Variants in S100Z observed in about 807,000 individuals in gnomAD.
S100Z encodes protein S100-Z.
A neutral mutation model predicts 8.5 loss-of-function variants in S100Z; 11 were observed. The ratio of observed to expected loss-of-function variants is 1.30; its 90% CI spans 0.82 to 2.15. The LOEUF (loss-of-function observed/expected upper bound fraction) is 2.15, where lower values mean the gene tolerates loss of function less well. S100Z is among the 30% of genes most tolerant of loss of function. S100Z has a pLI of 0.00. For synonymous variants in S100Z, 34 were observed against 43.8 expected (o/e 0.78, Z 0.89); for missense variants, 126 against 117.9 (o/e 1.07, Z -0.32).
chr5:76,861,154 G>C (rs1409964257), intron 1 of S100Z, among the ~76,000 whole-genome samples: 1 of 152,148 alleles, frequency 6.6e-6, no homozygotes, highest in East Asian at 1.9e-4. Flanking sequence ...CTGAAGGCTT[G>C]ACCCTGGCTG....
chr5:76,899,929 C>G (rs1019767384), intron 4 of S100Z, among the ~76,000 whole-genome samples: 1 of 152,146 alleles, frequency 6.6e-6, no homozygotes, highest in Non-Finnish European at 1.5e-5. Context: ...TAGGATAGGT[C>G]TGGTATTAAT....
chr5:76,898,161 T>TA (rs1744104668), intron 4 of S100Z, among the ~76,000 whole-genome samples: 1 of 151,624 alleles, frequency 6.6e-6, no homozygotes, highest in Non-Finnish European at 1.5e-5. Flanking sequence ...TATTCTTTTT[T>TA]TTTTTTGAGA....
chr5:76,850,070 G>C lies in S100Z; in HGVS notation c.-261G>C, dbSNP rs1379638392. 6.6e-6 allele frequency: 1 copy of C among 152,320 alleles called. No homozygotes were observed. The highest frequency in any genetic ancestry group is 1.5e-5 in the Non-Finnish European group (1 of 68,140). 9.4% of individuals were successfully genotyped at this position (152,320 alleles called of 1,614,324 possible). On this transcript the variant is annotated 5_prime_UTR_variant, in exon 1 of 5. Transcript: ENST00000317593. ...GCCTCTTGCTCGCTCTAGCTGCTGG[G>C]AGGAAAACGGCTTGCTAATCTCCAC...
the S100Z span, among the ~76,000 whole-genome samples, chr5:76,931,671 C>T: frequency 2.0e-5 from 3 of 152,202 alleles, no homozygotes; most frequent in Non-Finnish European, 4.4e-5. Context: ...AGATGGATAG[C>T]GAATCTGAGA....
At position 76,863,602 on chromosome 5, in the gene S100Z, G is replaced by A. The variant is rs181698788; in HGVS notation, c.-175-6564G>A. Among the ~76,000 whole-genome samples, 1,020 of 151,938 alleles carry A rather than the reference G, an allele frequency of 6.7e-3. 16 individuals carry two copies. Among genetic ancestry groups the A allele is most frequent in the African/African-American group, 0.023 (943 of 41,416 alleles). ...TGCCCAGGCTGGAGTGCAGTGGCGC[G>A]ATCTCGGCTCACTGCAAGCTCCGCC... is the stretch of plus-strand genomic sequence containing the variant. On this transcript the variant is annotated intron_variant, in intron 1 of 4. Coordinates refer to ENST00000317593, the MANE Select transcript of S100Z (RefSeq NM_130772.4).
intron 1 of S100Z, among the ~76,000 whole-genome samples, chr5:76,855,294 A>G (rs578224949): frequency 6.6e-6 from 1 of 152,318 alleles, no homozygotes; most frequent in Admixed American, 6.5e-5. Flanking sequence ...AATGGTAAAT[A>G]CAAGGACAGC....
Position 76,863,639 on chromosome 5 carries a change from C to A in S100Z, c.-175-6527C>A, listed in dbSNP as rs113757297. Among the ~76,000 whole-genome samples the A allele has an allele frequency of 5.9e-3, 894 of 151,992 alleles. 14 individuals are homozygous for A. Among genetic ancestry groups the A allele is most frequent in the Middle Eastern group, 0.041 (12 of 292 alleles). On this transcript the variant is annotated intron_variant, in intron 1 of 4. Coordinates refer to ENST00000317593, the MANE Select transcript of S100Z (RefSeq NM_130772.4). Reference sequence around the variant, plus strand: ...CTGCAAGCTCCGCCTCCCGGGTTCACGCCATTCTCCTGCCTCAGCCTCCCA... The same window carrying A: ...CTGCAAGCTCCGCCTCCCGGGTTCAAGCCATTCTCCTGCCTCAGCCTCCCA...
intron 4 of S100Z, among the ~76,000 whole-genome samples, chr5:76,884,704 A>G (rs58093808): frequency 0.6 from 90,658 of 151,430 alleles, 27,946 homozygotes; most frequent in Non-Finnish European, 0.66. Context: ...GTCACGGAAC[A>G]AAACTGTAAA....
chr5:76,868,920 A>T (rs1299466402), intron 1 of S100Z, among the ~76,000 whole-genome samples: 2 of 152,234 alleles, frequency 1.3e-5, no homozygotes, highest in African/African-American at 4.8e-5. Flanking sequence ...CACCACATCC[A>T]GCTCAAACTC....
intron 4 of S100Z, among the ~76,000 whole-genome samples, chr5:76,913,526 C>T (rs1451616188): frequency 6.6e-6 from 1 of 152,138 alleles, no homozygotes; most frequent in Non-Finnish European, 1.5e-5. Context: ...TTAATATGGA[C>T]TGAACAAGGT....
intron 1 of S100Z, among the ~76,000 whole-genome samples, chr5:76,866,767 C>T (rs9885484): frequency 0.37 from 56,779 of 151,964 alleles, 11,353 homozygotes; most frequent in East Asian, 0.67. Context: ...GTAAGTATAC[C>T]CTATGATGTT....
intron 1 of S100Z, among the ~76,000 whole-genome samples, chr5:76,861,708 T>A (rs1028399150): frequency 2.6e-5 from 4 of 152,226 alleles, no homozygotes; most frequent in African/African-American, 9.6e-5. Context: ...ACACATTCTA[T>A]GTGTTTATTT....
intron 1 of S100Z, among the ~76,000 whole-genome samples, chr5:76,856,875 T>A (rs1383511757): frequency 6.6e-6 from 1 of 152,174 alleles, no homozygotes; most frequent in Non-Finnish European, 1.5e-5. Context: ...TGAAATTGCC[T>A]AGGTTGACTA....
chr5:76,916,703 G>A (rs1229714163), intron 4 of S100Z, among the ~76,000 whole-genome samples: 1 of 152,032 alleles, frequency 6.6e-6, no homozygotes, highest in African/African-American at 2.4e-5. Context: ...CAAAAAGAGG[G>A]TCTTAAGGAA....
the S100Z span, among the ~76,000 whole-genome samples, chr5:76,946,921 C>T: frequency 1.3e-5 from 2 of 152,218 alleles, no homozygotes; most frequent in Admixed American, 6.5e-5. Flanking sequence ...AGCATCCCTT[C>T]TTCTGAAAAC....
At chr5:76,855,657 A>G (rs1750861364) in intron 1 of S100Z, among the ~76,000 whole-genome samples, 1 of 152,198 alleles carries the variant, frequency 6.6e-6, no homozygotes, top group Admixed American at 6.5e-5. Context: ...TTTTGATTTT[A>G]CAGGCTTATT....
intron 4 of S100Z, among the ~76,000 whole-genome samples, chr5:76,893,716 C>A (rs57739130): frequency 0.019 from 2,841 of 152,214 alleles, 98 homozygotes; most frequent in African/African-American, 0.064. Flanking sequence ...AAAAGAGATT[C>A]CCTTGAGCAC....
chr5:76,948,609 A>C, the S100Z span, among the ~76,000 whole-genome samples: 9 of 152,190 alleles, frequency 5.9e-5, no homozygotes, highest in African/African-American at 1.9e-4. Context: ...AAGAAAATGC[A>C]AATCAAATCC....
chr5:76,853,291 A>T (rs1325713218), intron 1 of S100Z, among the ~76,000 whole-genome samples: 1 of 152,140 alleles, frequency 6.6e-6, no homozygotes, highest in African/African-American at 2.4e-5. Flanking sequence ...CTGTGCGGGG[A>T]CAAGTCAGAG....
Sources: allele counts gnomAD v4.1 joint callset (sites outside exome capture counted in the v4.1 genomes callset), GRCh38; gene constraint gnomAD v4.1.1; transcripts MANE v1.5; gene names NCBI Gene and HGNC (gene_info 2026-07-23, HGNC 2026-07-21).